The following CA5A variants were observed in gnomAD, a reference collection of about 807,000 sequenced individuals.
CA5A encodes the protein carbonic anhydrase 5A, mitochondrial.
Under a neutral mutation model 37.1 loss-of-function variants are expected in CA5A, and 28 were observed. That is an observed-to-expected ratio of 0.75 (90% confidence interval 0.56 to 1.03). The LOEUF (loss-of-function observed/expected upper bound fraction) is 1.03, where lower values mean the gene tolerates loss of function less well. Ranked by LOEUF, CA5A falls within the 50% of genes least tolerant of loss-of-function variation. CA5A has a pLI of 0.00. For missense variants in CA5A, 444 were observed against 399.9 expected, an observed-to-expected ratio of 1.11 and a Z score of -0.94; for synonymous variants, 171 against 158.4, an observed-to-expected ratio of 1.08 and a Z score of -0.60.
rs1208766500 is a variant in CA5A, at chr16:87,911,165, C to T, written c.341-6261G>A. ...AAGGGGTCTTTAAGCTGCCAGCCCC[C>T]ATCCCCCGGACTCTGCTATCAGCAG... On this transcript the variant is annotated intron_variant, in intron 2 of 6. Coordinates refer to ENST00000649794, the MANE Select transcript of CA5A (RefSeq NM_001739.2). This position sits in a 1 kb window ranked among gnomAD's most constrained non-coding sequence, Gnocchi z 4.6. Among the ~76,000 whole-genome samples, 1 of 151,994 alleles carries T rather than the reference C, an allele frequency of 6.6e-6. No individual in the cohort carries two copies. Among genetic ancestry groups the T allele is most frequent in the Non-Finnish European group, 1.5e-5 (1 of 68,010 alleles).
intron 5 of CA5A, chr16:87,893,639 C>G (rs750298129): frequency 3.1e-6 from 2 of 645,686 alleles, no homozygotes; most frequent in Non-Finnish European, 5.4e-6. Flanking sequence ...AGTGCTGTGC[C>G]CCTGGTGCCG....
At chr16:87,890,870 C>T (rs2055703350) in intron 6 of CA5A, among the ~76,000 whole-genome samples, 2 of 152,096 alleles carry the variant, frequency 1.3e-5, no homozygotes, top group African/African-American at 4.8e-5. Context: ...TCTCAGCTCA[C>T]TGCAGCCTCT....
intron 2 of CA5A, among the ~76,000 whole-genome samples, chr16:87,909,515 C>A (rs1294807275): frequency 4.6e-5 from 7 of 152,216 alleles, no homozygotes; most frequent in South Asian, 2.1e-4. Flanking sequence ...GCCGATGGAT[C>A]ACTCGGGCTG....
At chr16:87,890,213 A>G (rs2055693662) in intron 6 of CA5A, among the ~76,000 whole-genome samples, 1 of 152,122 alleles carries the variant, frequency 6.6e-6, no homozygotes, top group South Asian at 2.1e-4. Context: ...CAGTGTTCTG[A>G]GACGAATGCC....
At chr16:87,909,495 A>T (rs867047563) in intron 2 of CA5A, among the ~76,000 whole-genome samples, 1 of 152,230 alleles carries the variant, frequency 6.6e-6, no homozygotes, top group Non-Finnish European at 1.5e-5. Context: ...CGGGAACAGC[A>T]GGTGCAGGGG....
At chr16:87,917,532 C>T (rs532934965) in intron 2 of CA5A, among the ~76,000 whole-genome samples, 1 of 152,148 alleles carries the variant, frequency 6.6e-6, no homozygotes, top group Non-Finnish European at 1.5e-5. Flanking sequence ...ATATTCACAC[C>T]CAGGCCTGAG....
intron 2 of CA5A, among the ~76,000 whole-genome samples, chr16:87,915,134 C>T (rs148247908): frequency 3.3e-5 from 5 of 152,332 alleles, no homozygotes; most frequent in Admixed American, 1.3e-4. Context: ...TTGCAGCGCA[C>T]GTCCGACCAC....
At chr16:87,930,034 G>C (rs1379910893) in intron 1 of CA5A, among the ~76,000 whole-genome samples, 2 of 152,190 alleles carry the variant, frequency 1.3e-5, no homozygotes. Flanking sequence ...TAAAGGTGAT[G>C]ATAGATAGTA....
chr16:87,884,976 C>A (rs1465248774), downstream of CA5A: 1 of 152,430 alleles, frequency 6.6e-6, no homozygotes, highest in Non-Finnish European at 1.5e-5. Flanking sequence ...CCAGCCTGAC[C>A]AACATGGAGA....
intron 5 of CA5A, among the ~76,000 whole-genome samples, chr16:87,901,441 G>A (rs1254172003): frequency 9.2e-5 from 14 of 152,324 alleles, no homozygotes; most frequent in East Asian, 3.9e-4. Flanking sequence ...GGACACACCA[G>A]CATCAACCCT....
At chr16:87,916,233 C>A (rs1428529761) in intron 2 of CA5A, among the ~76,000 whole-genome samples, 1 of 151,720 alleles carries the variant, frequency 6.6e-6, no homozygotes, top group Non-Finnish European at 1.5e-5. Context: ...ATAATCCCAG[C>A]ACTTTGGGAG....
chr16:87,908,460 CCAGCT>C, intron 2 of CA5A, among the ~76,000 whole-genome samples: 1 of 152,312 alleles, frequency 6.6e-6, no homozygotes, highest in Non-Finnish European at 1.5e-5. Context: ...TCTCCTGGTC[CCAGCT>C]CAAGCACCCT....
intron 5 of CA5A, among the ~76,000 whole-genome samples, chr16:87,894,782 G>C (rs984176842): frequency 2.0e-5 from 3 of 152,092 alleles, no homozygotes; most frequent in Admixed American, 6.6e-5. Context: ...GGGAGACTGA[G>C]ACACAGGAAC....
At chr16:87,890,541 A>T (rs1265995023) in intron 6 of CA5A, among the ~76,000 whole-genome samples, 2 of 152,166 alleles carry the variant, frequency 1.3e-5, no homozygotes, top group Admixed American at 1.3e-4. Flanking sequence ...GTGGCTCTGA[A>T]CTGCCTTGGA....
intron 3 of CA5A, 87 bp downstream of exon 3, chr16:87,904,699 C>T (rs1351170633): frequency 3.8e-5 from 30 of 798,270 alleles, no homozygotes; most frequent in East Asian, 5.0e-5. Flanking sequence ...CACATCTGAG[C>T]GGCGCGCATG....
At chr16:87,923,791 C>G (rs1009110499) in intron 2 of CA5A, 1 of 985,334 alleles carries the variant, frequency 1.0e-6, no homozygotes, top group Non-Finnish European at 1.2e-6. Context: ...ACAGCCACAT[C>G]TAAAAATTAT....
chr16:87,930,056 T>G (rs944591561), intron 1 of CA5A, among the ~76,000 whole-genome samples: 2 of 152,102 alleles, frequency 1.3e-5, no homozygotes, highest in African/African-American at 2.4e-5. Flanking sequence ...GATGGTTGTG[T>G]GCCTGTTTAT....
intron 2 of CA5A, 77 bp downstream of exon 2, chr16:87,926,671 C>G (rs1294206665): frequency 4.3e-6 from 5 of 1,169,976 alleles, no homozygotes; most frequent in Admixed American, 3.7e-5. Context: ...TCTCCTCCCC[C>G]TTCTCCGCGA....
intron 2 of CA5A, among the ~76,000 whole-genome samples, chr16:87,921,653 G>C (rs1241442497): frequency 6.6e-6 from 1 of 152,094 alleles, no homozygotes; most frequent in African/African-American, 2.4e-5. Context: ...GGATGGGCTC[G>C]CTCCCAAGGA....
Sources: allele counts gnomAD v4.1 joint callset (sites outside exome capture counted in the v4.1 genomes callset), GRCh38; gene constraint gnomAD v4.1.1; non-coding constraint Gnocchi (gnomAD v3.1); transcripts MANE v1.5; gene names NCBI Gene and HGNC (gene_info 2026-07-23, HGNC 2026-07-21).